The following STIM1 variants were observed in gnomAD, a reference collection of about 807,000 sequenced individuals.
STIM1 encodes the protein stromal interaction molecule 1.
In STIM1, 25 loss-of-function variants were observed where a neutral mutation model predicts 74.7. That is an observed-to-expected ratio of 0.33 (90% confidence interval 0.24 to 0.47). The LOEUF is 0.47. STIM1 is among the 20% of genes least tolerant of loss of function. The pLI is 1.00. For missense variants in STIM1, 728 were observed against 920.8 expected (o/e 0.79, Z 2.71); for synonymous variants, 328 against 348.8 (o/e 0.94, Z 0.66).
intron 1 of STIM1, among the ~76,000 whole-genome samples, chr11:3,951,124 T>C (rs2093142273): frequency 6.6e-6 from 1 of 152,190 alleles, no homozygotes; most frequent in African/African-American, 2.4e-5. Context: ...AGCAGGGCTA[T>C]GGAGCCTGGG....
rs996218880 is a variant in STIM1, at chr11:3,967,406, A to G, written c.140-146A>G. The G allele has an allele frequency of 3.4e-6, 4 of 1,189,134 alleles. No individual in the cohort carries two copies. In the African/African-American group the frequency reaches 6.0e-5, roughly 18 times the overall value. 73.7% of individuals were successfully genotyped at this position (1,189,134 alleles called of 1,614,324 possible). On this transcript the variant is annotated intron_variant, in intron 1 of 12. Transcript: ENST00000526596. ...TCTTGGGGAGACAGTTACAGTCTAGATGAAACACCTCTGTCACTGTACAAG... is the reference window on the plus strand; with the variant it reads ...TCTTGGGGAGACAGTTACAGTCTAGGTGAAACACCTCTGTCACTGTACAAG...
At chr11:4,052,530 G>A (rs1047723029) in intron 3 of STIM1, among the ~76,000 whole-genome samples, 1 of 152,186 alleles carries the variant, frequency 6.6e-6, no homozygotes, top group Non-Finnish European at 1.5e-5. Flanking sequence ...AAACTGGCTA[G>A]CCATATGTAG....
At chr11:4,030,649 A>C (rs181447674) in intron 3 of STIM1, among the ~76,000 whole-genome samples, 1 of 152,184 alleles carries the variant, frequency 6.6e-6, no homozygotes, top group African/African-American at 2.4e-5. Context: ...TTTCCCTTAC[A>C]TTCTTTCAGA....
intron 1 of STIM1, among the ~76,000 whole-genome samples, chr11:3,867,712 A>T (rs2090911280): frequency 6.6e-6 from 1 of 152,240 alleles, no homozygotes; most frequent in African/African-American, 2.4e-5. Flanking sequence ...AGACAAAAGA[A>T]TAAAAGTAAC....
intron 3 of STIM1, among the ~76,000 whole-genome samples, chr11:4,052,306 C>T (rs1007870334): frequency 2.0e-5 from 3 of 152,142 alleles, no homozygotes; most frequent in Non-Finnish European, 4.4e-5. Context: ...AAGAACAAAG[C>T]TGGAGGCATC....
chr11:4,022,764 T>C (rs1284405120), intron 2 of STIM1, among the ~76,000 whole-genome samples: 1 of 152,248 alleles, frequency 6.6e-6, no homozygotes, highest in African/African-American at 2.4e-5. Flanking sequence ...TTTCTATCTC[T>C]ACATAGACTT....
intron 1 of STIM1, among the ~76,000 whole-genome samples, chr11:3,928,696 C>T (rs186648028): frequency 1.6e-4 from 25 of 152,156 alleles, no homozygotes; most frequent in African/African-American, 6.0e-4. Context: ...TAACATCTTT[C>T]CTGGGATTCT....
intron 1 of STIM1, among the ~76,000 whole-genome samples, chr11:3,893,221 C>T (rs2091950856): frequency 6.6e-6 from 1 of 152,136 alleles, no homozygotes; most frequent in South Asian, 2.1e-4. Flanking sequence ...TCCCCTAAGG[C>T]TATTATGTGT....
rs2090348565 is a variant in STIM1 at position 3,855,936 on chromosome 11, G to T, written c.-335G>T. ...CCACTTCTGTGCCCGCGGAGACTCC[G>T]GCCGCCCCCTTCCGCAGGGGTGTAG... On this transcript the variant is annotated 5_prime_UTR_variant, in exon 1 of 13. Transcript: ENST00000526596. 8.8e-6 allele frequency: 3 copies of T among 339,098 alleles called. No individual in the cohort carries two copies. In the Admixed American group the frequency reaches 1.2e-4, roughly 14 times the overall value. 21.0% of individuals were successfully genotyped at this position (339,098 alleles called of 1,614,324 possible).
chr11:3,960,245 A>G (rs1302949624), intron 1 of STIM1, among the ~76,000 whole-genome samples: 1 of 152,206 alleles, frequency 6.6e-6, no homozygotes, highest in Non-Finnish European at 1.5e-5. Flanking sequence ...TTTCTTGTAA[A>G]TAAATGAAAT....
chr11:3,880,615 A>G (rs1230796912), intron 1 of STIM1, among the ~76,000 whole-genome samples: 2 of 152,110 alleles, frequency 1.3e-5, no homozygotes, highest in Non-Finnish European at 1.5e-5. Context: ...TATTGCTCCA[A>G]AGCTGTTTGT....
In STIM1 at chr11:3,978,498, T is replaced by C. The variant is rs567573021; in HGVS notation, c.270+10816T>C. 7.8e-3 allele frequency among the ~76,000 whole-genome samples: 1,161 copies of C among 148,146 alleles called. 11 individuals are homozygous for C. Among genetic ancestry groups the C allele is most frequent in the Non-Finnish European group, 0.012 (821 of 66,974 alleles). On this transcript the variant is annotated intron_variant, in intron 2 of 12. Transcript: ENST00000526596. ...CTTTTGGGCCAGGCACGGTGGCTCA[T>C]GCCTGTAATCCCAGCATTTTGGGAG...
At chr11:4,041,779 G>C (rs149769231) in intron 3 of STIM1, among the ~76,000 whole-genome samples, 2 of 151,996 alleles carry the variant, frequency 1.3e-5, no homozygotes, top group Admixed American at 6.6e-5. Flanking sequence ...TAGAGACGAG[G>C]TCTCACTTTG....
At chr11:4,014,277 A>G (rs889004174) in intron 2 of STIM1, among the ~76,000 whole-genome samples, 1 of 152,186 alleles carries the variant, frequency 6.6e-6, no homozygotes, top group African/African-American at 2.4e-5. Flanking sequence ...TTCAAAGAAC[A>G]TCTTTATTTC....
intron 2 of STIM1, among the ~76,000 whole-genome samples, chr11:4,014,232 A>G (rs2093872621): frequency 6.6e-6 from 1 of 152,098 alleles, no homozygotes; most frequent in Non-Finnish European, 1.5e-5. Context: ...TGTGTCCCAG[A>G]GATTCTGGTA....
intron 3 of STIM1, among the ~76,000 whole-genome samples, chr11:4,031,065 C>A (rs1486652072): frequency 1.3e-5 from 2 of 152,164 alleles, no homozygotes; most frequent in African/African-American, 4.8e-5. Flanking sequence ...AGTCTCTGCT[C>A]CCCTAGCAAC....
chr11:3,992,081 G>GCCTTTT (rs376329167), intron 2 of STIM1, among the ~76,000 whole-genome samples: 1 of 91,964 alleles, frequency 1.1e-5, no homozygotes, highest in Non-Finnish European at 2.0e-5. Context: ...GCCAACATCT[G>GCCTTTT]TTTTTTTGTT....
chr11:4,049,830 C>G (rs2094225741), intron 3 of STIM1, among the ~76,000 whole-genome samples: 1 of 151,698 alleles, frequency 6.6e-6, no homozygotes, highest in African/African-American at 2.4e-5. Context: ...CAGTTCCTAG[C>G]TGGGTAACTT....
chr11:4,062,689 A>G (rs1391679312), intron 5 of STIM1, among the ~76,000 whole-genome samples: 1 of 152,194 alleles, frequency 6.6e-6, no homozygotes, highest in South Asian at 2.1e-4. Context: ...CCACAGTTCA[A>G]TGGCCAATAT....
Sources: gnomAD v4.1 joint callset for allele counts (sites outside exome capture counted in the v4.1 genomes callset) on GRCh38, gnomAD v4.1.1 for gene constraint, MANE v1.5 for transcripts, NCBI Gene and HGNC (gene_info 2026-07-23, HGNC 2026-07-21) for gene names.